The following GPC5 variants were observed in gnomAD, a reference collection of about 807,000 sequenced individuals.
The protein encoded by GPC5 is glypican-5.
GPC5 carries 47 observed loss-of-function variants against 53.9 expected under a neutral mutation model. The ratio of observed to expected loss-of-function variants is 0.87; its 90% CI spans 0.69 to 1.11. GPC5 has a LOEUF of 1.11. Ranked by LOEUF, GPC5 falls within the 50% of genes most tolerant of loss-of-function variation. The pLI, the probability that GPC5 is intolerant of heterozygous loss-of-function variation, is 0.00. For synonymous variants in GPC5, 286 were observed against 263.3 expected (o/e 1.09, Z -0.84); for missense variants, 748 against 713.1 (o/e 1.05, Z -0.56).
intron 7 of GPC5, among the ~76,000 whole-genome samples, chr13:92,234,798 G>C (rs2042558411): frequency 6.6e-6 from 1 of 152,128 alleles, no homozygotes. Flanking sequence ...GGTGGAAGAG[G>C]AGGGGTCAAA....
chr13:91,713,298 T>G (rs902689090), intron 3 of GPC5, among the ~76,000 whole-genome samples: 1 of 152,106 alleles, frequency 6.6e-6, no homozygotes, highest in East Asian at 1.9e-4. Flanking sequence ...TATGAAAAAA[T>G]TGAAAGGAGT....
intron 7 of GPC5, among the ~76,000 whole-genome samples, chr13:92,214,536 C>T (rs1035238649): frequency 6.6e-6 from 1 of 152,144 alleles, no homozygotes; most frequent in East Asian, 1.9e-4. Context: ...CTGCTTTAGT[C>T]CATGATGTCA....
intron 7 of GPC5, among the ~76,000 whole-genome samples, chr13:92,835,590 C>A (rs1878194615): frequency 6.6e-6 from 1 of 151,938 alleles, no homozygotes; most frequent in Admixed American, 6.6e-5. Flanking sequence ...AGGATATGAA[C>A]TTTGTATTCT....
chr13:91,964,408 C>T (rs1566366903), intron 6 of GPC5, among the ~76,000 whole-genome samples: 1 of 151,914 alleles, frequency 6.6e-6, no homozygotes, highest in Non-Finnish European at 1.5e-5. Flanking sequence ...ATACAGAGTG[C>T]TGATTGGTCT....
At chr13:92,581,697 C>T (rs537431154) in intron 7 of GPC5, among the ~76,000 whole-genome samples, 3 of 152,188 alleles carry the variant, frequency 2.0e-5, no homozygotes, top group Admixed American at 6.5e-5. Flanking sequence ...TAAAAAGTTT[C>T]CCCTTTCTTC....
At chr13:91,547,666 C>G (rs1019138894) in intron 2 of GPC5, among the ~76,000 whole-genome samples, 20 of 151,914 alleles carry the variant, frequency 1.3e-4, no homozygotes, top group Non-Finnish European at 2.5e-4. Context: ...ACTCTAATAC[C>G]AAAAACACAA....
At chr13:92,378,000 T>C (rs1470589804) in intron 7 of GPC5, among the ~76,000 whole-genome samples, 2 of 152,194 alleles carry the variant, frequency 1.3e-5, no homozygotes, top group African/African-American at 4.8e-5. Flanking sequence ...GTTTATTCTC[T>C]CATATATTCT....
chr13:92,155,573 G>A (rs535827696), intron 7 of GPC5, among the ~76,000 whole-genome samples: 44 of 151,866 alleles, frequency 2.9e-4, no homozygotes, highest in African/African-American at 8.2e-4. Flanking sequence ...CCTATTTTTC[G>A]TTTGTTGAAT....
chr13:92,382,434 T>C (rs967763645), intron 7 of GPC5, among the ~76,000 whole-genome samples: 2 of 152,160 alleles, frequency 1.3e-5, no homozygotes, highest in Non-Finnish European at 2.9e-5. Context: ...ATTTAGGTTG[T>C]CTCACTAATC....
At chr13:92,381,356 T>C (rs147386918) in intron 7 of GPC5, among the ~76,000 whole-genome samples, 83 of 152,306 alleles carry the variant, frequency 5.4e-4, no homozygotes, top group African/African-American at 1.9e-3. Context: ...GCAGTGATGT[T>C]AAATGGATAG....
intron 7 of GPC5, among the ~76,000 whole-genome samples, chr13:92,837,754 C>G (rs757963757): frequency 2.6e-5 from 4 of 152,106 alleles, no homozygotes; most frequent in Non-Finnish European, 5.9e-5. Flanking sequence ...AACAGAAACT[C>G]TGGAAGGCTG....
chr13:92,442,160 T>G (rs1877600856), intron 7 of GPC5, among the ~76,000 whole-genome samples: 1 of 152,178 alleles, frequency 6.6e-6, no homozygotes, highest in Non-Finnish European at 1.5e-5. Flanking sequence ...GGAATCAAAA[T>G]GAATATATTT....
chr13:92,749,848 G>C (rs1461503333), intron 7 of GPC5, among the ~76,000 whole-genome samples: 1 of 152,126 alleles, frequency 6.6e-6, no homozygotes, highest in Non-Finnish European at 1.5e-5. Context: ...CTTTGTCATG[G>C]TCATGAATGA....
chr13:91,450,137 A>G (rs888414390), intron 2 of GPC5, among the ~76,000 whole-genome samples: 3 of 152,164 alleles, frequency 2.0e-5, no homozygotes, highest in Non-Finnish European at 2.9e-5. Flanking sequence ...GCTTTTTTGT[A>G]GAAAGCGTGA....
intron 7 of GPC5, among the ~76,000 whole-genome samples, chr13:92,230,218 T>C (rs925582399): frequency 6.6e-6 from 1 of 152,158 alleles, no homozygotes; most frequent in Non-Finnish European, 1.5e-5. Context: ...AAGCCAAAAT[T>C]ATAAAATATG....
chr13:92,210,283 TGTA>T (rs1279392968), intron 7 of GPC5, among the ~76,000 whole-genome samples: 1 of 152,154 alleles, frequency 6.6e-6, no homozygotes. Flanking sequence ...GACTCAAAGT[TGTA>T]GTATATTTCT....
chr13:91,513,191 A>G (rs1283860417), intron 2 of GPC5, among the ~76,000 whole-genome samples: 1 of 152,102 alleles, frequency 6.6e-6, no homozygotes, highest in Admixed American at 6.5e-5. Flanking sequence ...TGATAGATTC[A>G]CAGGCCGTTG....
chr13:92,385,731 G>GTATATATACGTATATATACACGTGTA (rs1874663654), intron 7 of GPC5, among the ~76,000 whole-genome samples: 3 of 127,982 alleles, frequency 2.3e-5, no homozygotes, highest in Non-Finnish European at 3.2e-5. Context: ...ATATATACAT[G>GTATATATACGTATATATACACGTGTA]TATATATACG....
At chr13:92,338,800 G>A (rs551492584) in intron 7 of GPC5, among the ~76,000 whole-genome samples, 1 of 151,990 alleles carries the variant, frequency 6.6e-6, no homozygotes, top group African/African-American at 2.4e-5. Flanking sequence ...TTTGCATAGT[G>A]CCCTAATTGT....
Sources: allele counts gnomAD v4.1 joint callset (sites outside exome capture counted in the v4.1 genomes callset), GRCh38; gene constraint gnomAD v4.1.1; transcripts MANE v1.5; gene names NCBI Gene and HGNC (gene_info 2026-07-23, HGNC 2026-07-21).